Variants in DZANK1 observed in about 807,000 individuals in gnomAD.
DZANK1 encodes the protein double zinc ribbon and ankyrin repeat domains 1.
In DZANK1, 91 loss-of-function variants were observed where a neutral mutation model predicts 94.5. That is an observed-to-expected ratio of 0.96 (90% confidence interval 0.81 to 1.15). DZANK1 has a LOEUF of 1.15. Among genes scored for constraint, DZANK1 ranks in the 50% most tolerant of loss-of-function variants. DZANK1 has a pLI of 0.00. For missense variants in DZANK1, 903 were observed against 916.4 expected (o/e 0.99, Z 0.19); for synonymous variants, 312 against 325.3 (o/e 0.96, Z 0.44).
At position 18,413,389 on chromosome 20, in the gene DZANK1, C is replaced by A. The variant is rs142171224; in HGVS notation, c.1243-554G>T. On this transcript the variant is annotated intron_variant, in intron 12 of 20. Coordinates refer to ENST00000262547, the Ensembl canonical transcript of DZANK1. ...ATTACAAGCAATTTCCAATAGATGG[C>A]AGTCAAGTGTCTTGAGAAAAGAACA... 1.6e-4 allele frequency among the ~76,000 whole-genome samples: 25 copies of A among 152,224 alleles called. 2 individuals are homozygous for A. Among genetic ancestry groups the A allele is most frequent in the Admixed American group, 7.2e-4 (11 of 15,296 alleles).
chr20:18,406,000 A>G (rs6136363), intron 13 of DZANK1, among the ~76,000 whole-genome samples: 56,036 of 152,142 alleles, frequency 0.37, 11,193 homozygotes, highest in Middle Eastern at 0.46. Context: ...GAGCATTTGG[A>G]CCAACCGTAG....
In DZANK1 at chr20:18,384,669, T is replaced by C. The variant is rs552748426; in HGVS notation, c.2094-105A>G. 8.7e-5 allele frequency: 107 copies of C among 1,235,188 alleles called. 1 individual carries two copies. The East Asian group carries it at 2.6e-3, about 30-fold the overall frequency. 76.5% of individuals were successfully genotyped at this position (1,235,188 alleles called of 1,614,324 possible). A position where few individuals can be genotyped will look rare whatever the true frequency, so the allele number is the denominator to read the frequency against. On this transcript the variant is annotated intron_variant, in intron 20 of 20. Coordinates refer to ENST00000262547, the Ensembl canonical transcript of DZANK1. ...GGAGGCCAGGCTGGGCCCCTCCTGG[T>C]CCCACCTCCCCAAACCTCTCCCCAA...
At chr20:18,393,838 A>G (rs371215050) in intron 16 of DZANK1, 27 bp from the exon 17 acceptor site, 55 of 1,451,156 alleles carry the variant, frequency 3.8e-5, no homozygotes, top group South Asian at 1.2e-4. Context: ...GGGGAAAAAA[A>G]TGATGCCCCT....
At chr20:18,465,152 AGAGT>A (rs1286966888) in intron 2 of DZANK1, 94 bp downstream of exon 2, 2 of 780,484 alleles carry the variant, frequency 2.6e-6, no homozygotes, top group Non-Finnish European at 4.0e-6. Context: ...AGCTGAGCAA[AGAGT>A]GAGAAAGCAG....
intron 2 of DZANK1, among the ~76,000 whole-genome samples, chr20:18,464,033 G>A (rs926062862): frequency 4.6e-5 from 7 of 151,478 alleles, no homozygotes; most frequent in African/African-American, 1.5e-4. Context: ...TGAAGAATAC[G>A]TATTAGCAGG....
chr20:18,412,849 CG>C (rs1568925966), intron 12 of DZANK1: 12 of 1,613,284 alleles, frequency 7.4e-6, no homozygotes, highest in Non-Finnish European at 1.0e-5. Flanking sequence ...CCAGGCACAT[CG>C]GGGCCATGCG....
chr20:18,453,236 A>G (rs1036691901), intron 5 of DZANK1, among the ~76,000 whole-genome samples: 4 of 152,180 alleles, frequency 2.6e-5, no homozygotes, highest in Admixed American at 1.3e-4. Context: ...AGCAGCTTCA[A>G]TGTCCAACCC....
chr20:18,445,466 TAAAC>T (rs1332910419), intron 7 of DZANK1, among the ~76,000 whole-genome samples: 1 of 152,224 alleles, frequency 6.6e-6, no homozygotes, highest in Non-Finnish European at 1.5e-5. Flanking sequence ...AGAGAAGACT[TAAAC>T]AATACCATCA....
Position 18,461,756 on chromosome 20 carries a change from C to T in DZANK1, c.110-1450G>A, listed in dbSNP as rs139269758. On this transcript the variant is annotated intron_variant, in intron 2 of 20. Transcript: ENST00000262547. ...CTAGGATTACAAGCACCCACCACCACGCCCAGCTAATTTTTGTATTTTTAG... is the reference window on the plus strand; with the variant it reads ...CTAGGATTACAAGCACCCACCACCATGCCCAGCTAATTTTTGTATTTTTAG... 9.6e-3 allele frequency among the ~76,000 whole-genome samples: 1,456 copies of T among 152,136 alleles called. 28 individuals carry two copies. The highest frequency in any genetic ancestry group is 0.032 in the African/African-American group (1,337 of 41,508).
At chr20:18,455,335 G>T in exon 4 of DZANK1, 1 of 1,606,752 alleles carries the variant, frequency 6.2e-7, no homozygotes, top group Non-Finnish European at 8.5e-7. Flanking sequence ...AAACACCTTT[G>T]TCACAATGCC....
In DZANK1 at chr20:18,461,236, T is replaced by C. The variant is rs142359407; in HGVS notation, c.110-930A>G. Among the ~76,000 whole-genome samples, 388 of 152,348 alleles carry C rather than the reference T, an allele frequency of 2.5e-3. 6 individuals carry two copies. Among genetic ancestry groups the C allele is most frequent in the Admixed American group, 0.021 (328 of 15,304 alleles). On this transcript the variant is annotated intron_variant, in intron 2 of 20. Transcript: ENST00000262547. ...ATGTACATATTCTTATTTCTCCCTC[T>C]CTTTTGACACAAATGATGGCATACT...
chr20:18,397,984 C>T lies in DZANK1; in HGVS notation c.1536+539G>A, dbSNP rs559961510. Among the ~76,000 whole-genome samples, 21 of 152,220 alleles carry T rather than the reference C, an allele frequency of 1.4e-4. 1 individual carries two copies. The highest frequency in any genetic ancestry group is 4.6e-4 in the African/African-American group (19 of 41,528). ...TCCGTTAGTCAAACAGTCACAGACC[C>T]GCCCAGATTCAAGGTGAGGGGACAC... On this transcript the variant is annotated intron_variant, in intron 14 of 20. Coordinates refer to ENST00000262547, the Ensembl canonical transcript of DZANK1.
intron 13 of DZANK1, among the ~76,000 whole-genome samples, chr20:18,405,119 C>G (rs1485320272): frequency 2.6e-5 from 4 of 151,408 alleles, no homozygotes; most frequent in Non-Finnish European, 5.9e-5. Context: ...TTGCTCAAGC[C>G]CAGGAGTTTG....
Position 18,441,760 on chromosome 20 carries a change from G to A in DZANK1, c.747+1587C>T, listed in dbSNP as rs2058722425. On this transcript the variant is annotated intron_variant, in intron 8 of 20. Coordinates refer to ENST00000262547, the Ensembl canonical transcript of DZANK1. This position sits in a 1 kb window ranked among gnomAD's most constrained non-coding sequence, Gnocchi z 4.1. ...TTAGGAATTCCTCATCTAGGGAACT[G>A]GCAGAACATGTTGGGAAGTCAGATA... Among the ~76,000 whole-genome samples the A allele has an allele frequency of 1.3e-5, 2 of 152,210 alleles. No individual in the cohort carries two copies. The highest frequency in any genetic ancestry group is 4.8e-5 in the African/African-American group (2 of 41,464).
intron 9 of DZANK1, among the ~76,000 whole-genome samples, chr20:18,428,018 G>A (rs1199136666): frequency 4.0e-5 from 6 of 151,532 alleles, no homozygotes; most frequent in Non-Finnish European, 8.8e-5. Flanking sequence ...GAGTGTGGTG[G>A]TGGGCGCCTG....
At chr20:18,395,319 G>A (rs2056275675) in intron 15 of DZANK1, among the ~76,000 whole-genome samples, 1 of 152,174 alleles carries the variant, frequency 6.6e-6, no homozygotes, top group African/African-American at 2.4e-5. Flanking sequence ...CCAAGATTGT[G>A]CTACTGCACT....
intron 2 of DZANK1, among the ~76,000 whole-genome samples, chr20:18,461,047 T>C (rs1332553483): frequency 6.6e-6 from 1 of 152,176 alleles, no homozygotes; most frequent in East Asian, 1.9e-4. Context: ...CTATGCTCTT[T>C]TGCCTCTCCA....
At position 18,391,397 on chromosome 20, in the gene DZANK1, C is replaced by T. The variant is rs567146912; in HGVS notation, c.1810-938G>A. 2.0e-5 allele frequency among the ~76,000 whole-genome samples: 3 copies of T among 152,132 alleles called. No individual in the cohort carries two copies. The South Asian group carries it at 6.2e-4, about 32-fold the overall frequency. The stretch of plus-strand genomic sequence containing the variant: ...TACAGGCACATGCCACTATGCCTGG[C>T]TAATTTTTTGTATTTTTAATAGAGA... On this transcript the variant is annotated intron_variant, in intron 17 of 20. Transcript: ENST00000262547.
chr20:18,389,839 C>A lies in DZANK1; in HGVS notation c.1891-11G>T. Reference sequence around the variant, plus strand: ...GTTGGGGTCTGCTCCCTGCAGCAAACGGAAAAGGACAAACTCTCCAAAACA... The same window carrying A: ...GTTGGGGTCTGCTCCCTGCAGCAAAAGGAAAAGGACAAACTCTCCAAAACA... On this transcript the variant is annotated splice_polypyrimidine_tract_variant and intron_variant, in intron 18 of 20. Coordinates refer to ENST00000262547, the Ensembl canonical transcript of DZANK1. The A allele has an allele frequency of 2.5e-6, 4 of 1,613,474 alleles. No individual in the cohort carries two copies. The highest frequency in any genetic ancestry group is 3.4e-6 in the Non-Finnish European group (4 of 1,179,576).
Sources: allele counts gnomAD v4.1 joint callset (sites outside exome capture counted in the v4.1 genomes callset), GRCh38; gene constraint gnomAD v4.1.1; non-coding constraint Gnocchi (gnomAD v3.1); transcripts MANE v1.5; gene names NCBI Gene and HGNC (gene_info 2026-07-23, HGNC 2026-07-21).